BBS9: variants seen among roughly 807,000 people sequenced by gnomAD.
BBS9 encodes the protein Bardet-Biedl syndrome 9, also known as protein PTHB1.
In BBS9, 89 loss-of-function variants were observed where a neutral mutation model predicts 117.7. That is an observed-to-expected ratio of 0.76 (90% confidence interval 0.64 to 0.90). The LOEUF (loss-of-function observed/expected upper bound fraction) is 0.90, where lower values mean the gene tolerates loss of function less well. BBS9 is among the 40% of genes least tolerant of loss of function. BBS9 has a pLI of 0.00. For missense variants in BBS9, 982 were observed against 1,042.2 expected, an observed-to-expected ratio of 0.94 and a Z score of 0.80; for synonymous variants, 379 against 370.9, an observed-to-expected ratio of 1.02 and a Z score of -0.25.
At chr7:33,189,763 G>A (rs559722043) in intron 5 of BBS9, among the ~76,000 whole-genome samples, 3 of 151,596 alleles carry the variant, frequency 2.0e-5, no homozygotes, top group Non-Finnish European at 2.9e-5. Flanking sequence ...GCATGTGCCT[G>A]TAGTCCCAGC....
intron 20 of BBS9, among the ~76,000 whole-genome samples, chr7:33,512,331 T>A (rs1847085677): frequency 6.6e-6 from 1 of 152,218 alleles, no homozygotes; most frequent in Non-Finnish European, 1.5e-5. Flanking sequence ...TGATGTGTAC[T>A]TTAAAAAACT....
chr7:33,327,606 G>C (rs528960779), intron 9 of BBS9, among the ~76,000 whole-genome samples: 5 of 152,278 alleles, frequency 3.3e-5, no homozygotes, highest in African/African-American at 1.2e-4. Flanking sequence ...AGCTGAGGCA[G>C]GTCACTTGAG....
At chr7:33,467,567 A>ACCCCCCCCCCCC (rs1563215445) in intron 19 of BBS9, among the ~76,000 whole-genome samples, 2 of 59,438 alleles carry the variant, frequency 3.4e-5, no homozygotes, top group African/African-American at 7.3e-5. Context: ...GAACCCCCCA[A>ACCCCCCCCCCCC]CTCCGCCACC....
At chr7:33,617,183 G>T (rs1865182695) in intron 21 of BBS9, among the ~76,000 whole-genome samples, 2 of 151,878 alleles carry the variant, frequency 1.3e-5, no homozygotes, top group African/African-American at 4.8e-5. Context: ...CCAATTAAAA[G>T]ATACATTGTC....
At position 33,265,570 on chromosome 7, in the gene BBS9, C is replaced by T. The variant is rs184500665; in HGVS notation, c.702+1196C>T. ...TTTAAAATGTTGTTATTAGGCTGGG[C>T]GCGGTGGCTCATGCCTGTAATCCCA... On this transcript the variant is annotated intron_variant, in intron 7 of 22. Coordinates refer to ENST00000242067, the MANE Select transcript of BBS9 (RefSeq NM_198428.3). 5.3e-5 allele frequency among the ~76,000 whole-genome samples: 8 copies of T among 152,170 alleles called. No individual in the cohort carries two copies. In the East Asian group the frequency reaches 1.2e-3, roughly 22 times the overall value.
intron 20 of BBS9, among the ~76,000 whole-genome samples, chr7:33,527,331 G>A (rs1460444174): frequency 6.6e-6 from 1 of 152,062 alleles, no homozygotes; most frequent in African/African-American, 2.4e-5. Flanking sequence ...GCAATGGTGG[G>A]CGCCCCTCCC....
intron 7 of BBS9, among the ~76,000 whole-genome samples, chr7:33,271,477 A>C (rs1368608461): frequency 6.6e-6 from 1 of 152,248 alleles, no homozygotes; most frequent in Non-Finnish European, 1.5e-5. Context: ...GACCCATCTC[A>C]CATGCTGTAC....
chr7:33,605,025 A>G, intron 22 of BBS9, 50 bp downstream of exon 22: 1 of 1,526,780 alleles, frequency 6.5e-7, no homozygotes, highest in South Asian at 1.1e-5. Flanking sequence ...AGAAGCAGTG[A>G]CAATCTGGTC....
At chr7:33,514,673 A>G (rs915038868) in intron 20 of BBS9, among the ~76,000 whole-genome samples, 1 of 152,220 alleles carries the variant, frequency 6.6e-6, no homozygotes, top group African/African-American at 2.4e-5. Flanking sequence ...ATATGCAAAT[A>G]TATATCCAAA....
intron 21 of BBS9, among the ~76,000 whole-genome samples, chr7:33,603,806 T>C (rs2598386): frequency 0.46 from 69,513 of 152,018 alleles, 20,896 homozygotes; most frequent in African/African-American, 0.83. Flanking sequence ...TGTGGAAATG[T>C]GTTTCTCTCA....
chr7:33,559,611 C>A (rs566611045), intron 21 of BBS9, among the ~76,000 whole-genome samples: 2 of 152,104 alleles, frequency 1.3e-5, no homozygotes, highest in South Asian at 2.1e-4. Context: ...AACCACTATC[C>A]GTGTACTGAA....
intron 21 of BBS9, among the ~76,000 whole-genome samples, chr7:33,535,961 G>C (rs1166002584): frequency 1.3e-5 from 2 of 151,784 alleles, no homozygotes; most frequent in African/African-American, 4.8e-5. Context: ...AGTCGTTTTT[G>C]TTTAAATAAC....
chr7:33,343,413 C>T (rs1417031493), intron 11 of BBS9, among the ~76,000 whole-genome samples: 10 of 152,238 alleles, frequency 6.6e-5, no homozygotes, highest in South Asian at 4.1e-4. Context: ...CACGAGGTGA[C>T]GCTCAAAGAA....
chr7:33,579,787 A>G (rs1286522391), intron 21 of BBS9, among the ~76,000 whole-genome samples: 1 of 152,192 alleles, frequency 6.6e-6, no homozygotes, highest in Non-Finnish European at 1.5e-5. Context: ...GTCTAAGGCA[A>G]ATGTTTGTTT....
chr7:33,390,153 G>C (rs1351573414), intron 19 of BBS9: 1 of 549,734 alleles, frequency 1.8e-6, no homozygotes, highest in Admixed American at 6.4e-5. Context: ...TCTCATTCTG[G>C]GGTCTACCGT....
At chr7:33,582,631 C>T (rs1201399687) in intron 21 of BBS9, among the ~76,000 whole-genome samples, 2 of 152,028 alleles carry the variant, frequency 1.3e-5, no homozygotes, top group Admixed American at 1.3e-4. Context: ...GGTTCTATTT[C>T]TACTCACTTG....
At chr7:33,264,242 T>C in intron 6 of BBS9, 48 bp from the exon 7 acceptor site, 1 of 987,604 alleles carries the variant, frequency 1.0e-6, no homozygotes, top group Non-Finnish European at 1.4e-6. Context: ...TAATTTATAA[T>C]TTTTAATTAT....
At chr7:33,237,095 A>G (rs1793666164) in intron 5 of BBS9, among the ~76,000 whole-genome samples, 1 of 152,170 alleles carries the variant, frequency 6.6e-6, no homozygotes. Context: ...TATTAAACCA[A>G]AACTGAAAAG....
chr7:33,338,242 A>T (rs952985231), intron 10 of BBS9, among the ~76,000 whole-genome samples: 1 of 152,164 alleles, frequency 6.6e-6, no homozygotes, highest in African/African-American at 2.4e-5. Flanking sequence ...TTTTAAACTG[A>T]GAGGTATTTA....
Sources: allele counts gnomAD v4.1 joint callset (sites outside exome capture counted in the v4.1 genomes callset), GRCh38; gene constraint gnomAD v4.1.1; transcripts MANE v1.5; gene names NCBI Gene and HGNC (gene_info 2026-07-23, HGNC 2026-07-21).